Variants in KCNMA1 observed in about 807,000 individuals in gnomAD.
KCNMA1 encodes the protein potassium calcium-activated channel subfamily M alpha 1.
A neutral mutation model predicts 140.0 loss-of-function variants in KCNMA1; 29 were observed. The observed-to-expected ratio is 0.21, with a 90% CI of 0.15 to 0.28. KCNMA1 has a LOEUF of 0.28. Ranked by LOEUF, KCNMA1 falls within the 10% of genes least tolerant of loss-of-function variation. The pLI is 1.00. For synonymous variants in KCNMA1, 612 were observed against 611.9 expected, an observed-to-expected ratio of 1.00 and a Z score of 0.00; for missense variants, 880 against 1,602.2, an observed-to-expected ratio of 0.55 and a Z score of 7.70.
chr10:77,134,626 CA>C (rs1407285322), intron 5 of KCNMA1, among the ~76,000 whole-genome samples: 1 of 152,014 alleles, frequency 6.6e-6, no homozygotes, highest in African/African-American at 2.4e-5. Context: ...ACCCCTAAAA[CA>C]CAGGCAATAA....
intron 13 of KCNMA1, among the ~76,000 whole-genome samples, chr10:77,076,165 G>T (rs990412193): frequency 6.8e-6 from 1 of 146,544 alleles, no homozygotes; most frequent in Non-Finnish European, 1.6e-5. Context: ...CAAGTGTCAG[G>T]GTGGACAGTG....
intron 19 of KCNMA1, among the ~76,000 whole-genome samples, chr10:76,999,087 G>A (rs560057373): frequency 3.3e-5 from 5 of 152,204 alleles, no homozygotes; most frequent in Admixed American, 2.0e-4. Flanking sequence ...TGGAGGCAAG[G>A]GAGGGACAAC....
At chr10:77,550,303 T>C (rs755195701) in intron 1 of KCNMA1, among the ~76,000 whole-genome samples, 4 of 152,214 alleles carry the variant, frequency 2.6e-5, no homozygotes, top group Non-Finnish European at 5.9e-5. Flanking sequence ...TGGTTGGGGC[T>C]GCCTCTCTCC....
intron 1 of KCNMA1, among the ~76,000 whole-genome samples, chr10:77,621,677 C>T (rs2091441580): frequency 6.6e-6 from 1 of 152,120 alleles, no homozygotes; most frequent in South Asian, 2.1e-4. Flanking sequence ...GCCTGTAATT[C>T]CAGCACTTTG....
intron 14 of KCNMA1, among the ~76,000 whole-genome samples, chr10:77,066,248 G>A (rs915919886): frequency 1.3e-5 from 2 of 152,184 alleles, no homozygotes; most frequent in Admixed American, 6.5e-5. Flanking sequence ...AGACATGATG[G>A]TGGTTTGGAG....
intron 3 of KCNMA1, among the ~76,000 whole-genome samples, chr10:77,229,211 A>T (rs898085190): frequency 6.6e-6 from 1 of 152,122 alleles, no homozygotes; most frequent in Admixed American, 6.6e-5. Flanking sequence ...TGGTTAGCTC[A>T]GTAAATCTTC....
In KCNMA1 at chr10:76,886,508, C is replaced by T; in HGVS notation, c.*758G>A. ...TTTAATATGCAATCAAACCTCTTTT[C>T]ACTTAAACTAAATGACTAGAATTTG... On this transcript the variant is annotated 3_prime_UTR_variant, in exon 28 of 28. Transcript: ENST00000286628. 1.0e-6 allele frequency: 1 copy of T among 984,888 alleles called. No individual in the cohort carries two copies. The highest frequency in any genetic ancestry group is 1.2e-6 in the Non-Finnish European group (1 of 829,476). 61.0% of individuals were successfully genotyped at this position (984,888 alleles called of 1,614,324 possible). A position where few individuals can be genotyped will look rare whatever the true frequency, so the allele number is the denominator to read the frequency against.
chr10:77,012,560 G>A (rs1468648892), intron 17 of KCNMA1: 5 of 1,549,540 alleles, frequency 3.2e-6, no homozygotes, highest in Non-Finnish European at 4.4e-6. Flanking sequence ...GAGGAGGTCT[G>A]CAGAGAGGGA....
chr10:77,077,188 G>A (rs1385701642), intron 13 of KCNMA1, among the ~76,000 whole-genome samples: 2 of 152,172 alleles, frequency 1.3e-5, no homozygotes, highest in African/African-American at 4.8e-5. Context: ...ATGATGAGTG[G>A]ACGTTTTCTT....
intron 1 of KCNMA1, among the ~76,000 whole-genome samples, chr10:77,532,268 G>A (rs770284589): frequency 2.0e-5 from 3 of 152,204 alleles, no homozygotes; most frequent in Non-Finnish European, 2.9e-5. Context: ...CCAAGCAGGC[G>A]TGTGCTAACA....
chr10:76,952,814 G>C (rs2066799728), intron 21 of KCNMA1, among the ~76,000 whole-genome samples: 1 of 152,194 alleles, frequency 6.6e-6, no homozygotes, highest in Non-Finnish European at 1.5e-5. Context: ...GTTTAGGAAG[G>C]GTGGTCCTGA....
intron 1 of KCNMA1, among the ~76,000 whole-genome samples, chr10:77,520,187 A>G (rs1009697014): frequency 7.1e-5 from 10 of 141,320 alleles, no homozygotes; most frequent in African/African-American, 8.0e-5. Flanking sequence ...TGGGGTATGC[A>G]GTGTGAGGGT....
intron 3 of KCNMA1, among the ~76,000 whole-genome samples, chr10:77,220,698 C>A (rs1376731951): frequency 6.6e-6 from 1 of 152,094 alleles, no homozygotes; most frequent in Non-Finnish European, 1.5e-5. Context: ...GTTTTGAAAT[C>A]TAAAAATCCC....
chr10:76,991,179 T>G (rs2082652953), intron 19 of KCNMA1, among the ~76,000 whole-genome samples: 2 of 152,234 alleles, frequency 1.3e-5, no homozygotes, highest in Non-Finnish European at 2.9e-5. Flanking sequence ...GCATTGGTTT[T>G]ATGCTGCCCT....
At chr10:76,916,264 C>A (rs1337516842) in intron 23 of KCNMA1, among the ~76,000 whole-genome samples, 2 of 152,096 alleles carry the variant, frequency 1.3e-5, no homozygotes, top group Non-Finnish European at 2.9e-5. Flanking sequence ...TGGAAAGCAG[C>A]CTGCTTGGTC....
intron 1 of KCNMA1, among the ~76,000 whole-genome samples, chr10:77,572,893 TCTCTGAGGTTTGGG>T (rs2072220925): frequency 6.6e-6 from 1 of 151,946 alleles, no homozygotes; most frequent in Non-Finnish European, 1.5e-5. Flanking sequence ...TTAAGGTGAA[TCTCTGAGGTTTGGG>T]CTGCACATCA....
chr10:77,096,311 C>T (rs191175652), intron 9 of KCNMA1, among the ~76,000 whole-genome samples: 50 of 152,284 alleles, frequency 3.3e-4, no homozygotes, highest in African/African-American at 1.1e-3. Context: ...CTGGGCTGCA[C>T]CCACCAGACA....
chr10:77,101,475 C>G (rs764132626), intron 9 of KCNMA1, among the ~76,000 whole-genome samples: 1 of 152,152 alleles, frequency 6.6e-6, no homozygotes, highest in East Asian at 1.9e-4. Flanking sequence ...TTATAAAGAT[C>G]GGTTATTGGG....
At chr10:76,884,665 C>T (rs77099854), downstream of KCNMA1, 373 of 246,962 alleles carry the variant, frequency 1.5e-3, no homozygotes, top group Middle Eastern at 6.0e-3. Flanking sequence ...TACCCAACCC[C>T]ACACCCAAGA....
Sources: gnomAD v4.1 joint callset for allele counts (sites outside exome capture counted in the v4.1 genomes callset) on GRCh38, gnomAD v4.1.1 for gene constraint, MANE v1.5 for transcripts, NCBI Gene and HGNC (gene_info 2026-07-23, HGNC 2026-07-21) for gene names.